The following HYLS1 variants were observed in gnomAD, a reference collection of about 807,000 sequenced individuals.
The protein encoded by HYLS1 is HYLS1 centriolar and ciliogenesis associated.
In HYLS1, 25 loss-of-function variants were observed where a neutral mutation model predicts 29.4. The observed-to-expected ratio is 0.85, with a 90% CI of 0.62 to 1.19. The LOEUF is 1.19. Ranked by LOEUF, HYLS1 falls within the 50% of genes most tolerant of loss-of-function variation. The pLI is 0.00. For missense variants in HYLS1, 352 were observed against 365.1 expected (o/e 0.96, Z 0.29); for synonymous variants, 128 against 126.7 (o/e 1.01, Z -0.07).
In HYLS1 at chr11:125,899,653, G is replaced by A; in HGVS notation, c.285G>A (p.Lys95=). The A allele has an allele frequency of 6.2e-7, 1 of 1,614,218 alleles. No homozygotes were observed. Among genetic ancestry groups the A allele is most frequent in the Non-Finnish European group, 8.5e-7 (1 of 1,180,038 alleles). The change falls in exon 3 of 3, where the codon AAG becomes AAA. Residue 95 remains lysine, a synonymous_variant. Coordinates refer to ENST00000425380, the MANE Select transcript of HYLS1 (RefSeq NM_001134793.2). ...AAAGACTCCGAAAGCCAGTGATGAAGAGAAAGGTGCTGCGCAGAAAGCCAG... is the reference window on the plus strand; with the variant it reads ...AAAGACTCCGAAAGCCAGTGATGAAAAGAAAGGTGCTGCGCAGAAAGCCAG... The part of the protein sequence containing the change: ...ASQRLRKPVM[K]RKVLRRKPDG...
chr11:125,900,211 T>C lies in HYLS1; in HGVS notation c.843T>C (p.Cys281=). 9 of 1,614,248 alleles carry C rather than the reference T, an allele frequency of 5.6e-6. No homozygotes were observed. Among genetic ancestry groups the C allele is most frequent in the Non-Finnish European group, 7.6e-6 (9 of 1,180,046 alleles). Residue 281 remains cysteine, a synonymous_variant, in exon 3 of 3, where the codon TGT becomes TGC. Transcript: ENST00000425380. ...CTGCACTCCGTTGGGGTGTTCGTTG[T>C]GACCTTGCAAATGGTGTCATACCCA... is the stretch of plus-strand genomic sequence containing the variant. The part of the protein sequence containing the change: ...KRSALRWGVR[C]DLANGVIPRK...
At chr11:125,891,120 C>G (rs59017102) in intron 1 of HYLS1, among the ~76,000 whole-genome samples, 3 of 152,186 alleles carry the variant, frequency 2.0e-5, no homozygotes, top group African/African-American at 7.2e-5. Context: ...CAAATGCTGT[C>G]TAAGAGAGCA....
rs746880437 is a variant in HYLS1, at chr11:125,900,140, A to G, written c.772A>G (p.Ile258Val). 3 of 1,614,190 alleles carry G rather than the reference A, an allele frequency of 1.9e-6. No individual in the cohort carries two copies. The highest frequency in any genetic ancestry group is 2.5e-6 in the Non-Finnish European group (3 of 1,180,034). Residue 258 changes from isoleucine (I) to valine (V), a missense_variant, in exon 3 of 3, where the codon ATA (isoleucine) becomes GTA (valine). By Grantham distance (29) the Ile-to-Val change is conservative (BLOSUM62 3). Coordinates refer to ENST00000425380, the MANE Select transcript of HYLS1 (RefSeq NM_001134793.2). ...AGAACCCCAATCCAAACCTCAGCAT[A>G]TATATGTCCCAAACAATTATCTAGT... ...RAEPQSKPQH[I>V]YVPNNYLVPT...
rs540554466 is a variant in HYLS1, at chr11:125,898,858, A to G, written c.-25-486A>G. 3.3e-5 allele frequency among the ~76,000 whole-genome samples: 5 copies of G among 152,162 alleles called. No individual in the cohort carries two copies. The South Asian group carries it at 8.3e-4, about 25-fold the overall frequency. On this transcript the variant is annotated intron_variant, in intron 2 of 2. Transcript: ENST00000425380. The stretch of plus-strand genomic sequence containing the variant: ...CTTGAGTTAGAATTTCAGCTCCACT[A>G]CTTACTAGCTGAGTAACCTTGGGCA...
chr11:125,900,389 C>G lies in HYLS1; in HGVS notation c.*121C>G. 1 of 911,548 alleles carries G rather than the reference C, an allele frequency of 1.1e-6. No individual in the cohort carries two copies. 56.5% of individuals were successfully genotyped at this position (911,548 alleles called of 1,614,324 possible). A position where few individuals can be genotyped will look rare whatever the true frequency, so the allele number is the denominator to read the frequency against. The stretch of plus-strand genomic sequence containing the variant: ...AAACATTTTATGGTAAGGACTTCAC[C>G]TATCATTGGTCTTTCCTAGCTATAT... On this transcript the variant is annotated 3_prime_UTR_variant, in exon 3 of 3. Transcript: ENST00000425380.
intron 1 of HYLS1, among the ~76,000 whole-genome samples, chr11:125,889,518 G>A (rs903184741): frequency 7.9e-5 from 12 of 152,078 alleles, no homozygotes; most frequent in African/African-American, 2.9e-4. Context: ...CGGATCACTT[G>A]AGATTGGGAG....
rs747920338 is a variant in HYLS1, at chr11:125,896,230, G to C, written c.-25-3114G>C. 6.2e-6 allele frequency: 10 copies of C among 1,613,676 alleles called. No individual in the cohort carries two copies. Among genetic ancestry groups the C allele is most frequent in the African/African-American group, 2.7e-5 (2 of 74,832 alleles). On this transcript the variant is annotated intron_variant, in intron 2 of 2. Transcript: ENST00000425380. ...CTTTGCACCTCTTGCTCCAGTTCTC[G>C]TACTCTTTTTAGGAGCTTCTCAGTC...
At chr11:125,890,405 A>G (rs1371165334) in intron 1 of HYLS1, among the ~76,000 whole-genome samples, 1 of 152,024 alleles carries the variant, frequency 6.6e-6, no homozygotes, top group Non-Finnish European at 1.5e-5. Flanking sequence ...TGCCTTCATT[A>G]TGGTATTGTT....
chr11:125,887,576 G>A (rs1290421226), upstream of HYLS1: 1 of 152,294 alleles, frequency 6.6e-6, no homozygotes, highest in Non-Finnish European at 1.5e-5. Context: ...CCAATAAGAG[G>A]GAGGGCGGAC....
chr11:125,890,064 T>C (rs887739892), intron 1 of HYLS1, among the ~76,000 whole-genome samples: 2 of 152,098 alleles, frequency 1.3e-5, no homozygotes, highest in African/African-American at 4.8e-5. Context: ...TCAGCCCCCA[T>C]AGTACTGAGA....
intron 1 of HYLS1, among the ~76,000 whole-genome samples, chr11:125,891,025 G>A (rs1223631906): frequency 1.3e-5 from 2 of 151,806 alleles, no homozygotes; most frequent in Non-Finnish European, 2.9e-5. Flanking sequence ...TATAAAAAGT[G>A]TCATTTAAAT....
intron 1 of HYLS1, among the ~76,000 whole-genome samples, chr11:125,890,871 GAC>G (rs1234769149): frequency 1.3e-5 from 2 of 151,944 alleles, no homozygotes; most frequent in East Asian, 3.9e-4. Flanking sequence ...ATAGGAGTGT[GAC>G]ACAGTTGAAA....
At chr11:125,884,536 G>A (rs1944276531), upstream of HYLS1, among the ~76,000 whole-genome samples, 1 of 152,258 alleles carries the variant, frequency 6.6e-6, no homozygotes, top group South Asian at 2.1e-4. Flanking sequence ...ATGAACCCGG[G>A]AGGTGGAGCT....
rs940058901 is a variant in HYLS1 at position 125,893,723 on chromosome 11, T to TG, written c.-26+2251_-26+2252insG. 7 of 1,412,554 alleles carry TG rather than the reference T, an allele frequency of 5.0e-6. No individual in the cohort carries two copies. The African/African-American group carries it at 1.0e-4, about 20-fold the overall frequency. 87.5% of individuals were successfully genotyped at this position (1,412,554 alleles called of 1,614,324 possible). A position where few individuals can be genotyped will look rare whatever the true frequency, so the allele number is the denominator to read the frequency against. ...CTAGTACTTGCAAGTAAATTTTTTT[T>TG]TTTTTCCTTTTCTGTCCACCTACCA... On this transcript the variant is annotated intron_variant, in intron 2 of 2. Coordinates refer to ENST00000425380, the MANE Select transcript of HYLS1 (RefSeq NM_001134793.2).
At position 125,887,758 on chromosome 11, in the gene HYLS1, C is replaced by G. The variant is rs541953638; in HGVS notation, c.-83C>G. On this transcript the variant is annotated 5_prime_UTR_variant, in exon 1 of 3. Coordinates refer to ENST00000425380, the MANE Select transcript of HYLS1 (RefSeq NM_001134793.2). ...ACGCGGTGCAGAGAGCGGACTTCCG[C>G]GACGCGGGTAAGCCGGGCGAAGGCC... 6.6e-6 allele frequency: 1 copy of G among 152,402 alleles called. No individual in the cohort carries two copies. The highest frequency in any genetic ancestry group is 1.9e-4 in the East Asian group (1 of 5,186). 9.4% of individuals were successfully genotyped at this position (152,402 alleles called of 1,614,324 possible). A position where few individuals can be genotyped will look rare whatever the true frequency, so the allele number is the denominator to read the frequency against.
chr11:125,891,454 C>A lies in HYLS1; in HGVS notation c.-44C>A, dbSNP rs1425211519. 5.8e-5 allele frequency: 4 copies of A among 69,274 alleles called. No individual in the cohort carries two copies. The highest frequency in any genetic ancestry group is 2.0e-4 in the Admixed American group (1 of 4,898). The allele number at this position is 69,274 out of a possible 1,614,324, so 4.3% of individuals were successfully genotyped here. Reference sequence around the variant, plus strand: ...TTTTTACTTGAATGTAAATACCAATCAAGATACATTGAAATAAGGTAAGAA... The same window carrying A: ...TTTTTACTTGAATGTAAATACCAATAAAGATACATTGAAATAAGGTAAGAA... On this transcript the variant is annotated 5_prime_UTR_variant, in exon 2 of 3. Coordinates refer to ENST00000425380, the MANE Select transcript of HYLS1 (RefSeq NM_001134793.2).
intron 2 of HYLS1, chr11:125,895,808 A>G (rs982263345): frequency 3.2e-6 from 5 of 1,585,058 alleles, no homozygotes; most frequent in African/African-American, 1.3e-5. Flanking sequence ...TTAGACAAAG[A>G]TACTGGGTTT....
chr11:125,894,107 G>A lies in HYLS1; in HGVS notation c.-26+2635G>A, dbSNP rs150859450. On this transcript the variant is annotated intron_variant, in intron 2 of 2. Transcript: ENST00000425380. ...ATCCATCTTTGGTCCTATTCCACAG[G>A]GTACTGGAACAGTGTCCAGTCCTTG... The A allele has an allele frequency of 1.2e-4, 194 of 1,613,924 alleles. No individual in the cohort carries two copies. The highest frequency in any genetic ancestry group is 9.3e-4 in the Admixed American group (56 of 60,004).
rs932977054 is a variant in HYLS1 at position 125,898,159 on chromosome 11, A to G, written c.-25-1185A>G. The stretch of plus-strand genomic sequence containing the variant: ...GATAAATCATAAGAAATTGCCTTTG[A>G]GAGTAAAACTTGGTGGGGGAGGGAA... On this transcript the variant is annotated intron_variant, in intron 2 of 2. Coordinates refer to ENST00000425380, the MANE Select transcript of HYLS1 (RefSeq NM_001134793.2). 3.9e-5 allele frequency among the ~76,000 whole-genome samples: 6 copies of G among 152,294 alleles called. No homozygotes were observed. The East Asian group carries it at 1.2e-3, about 29-fold the overall frequency.
Sources: gnomAD v4.1 joint callset for allele counts (sites outside exome capture counted in the v4.1 genomes callset) on GRCh38, gnomAD v4.1.1 for gene constraint, MANE v1.5 for transcripts, NCBI Gene and HGNC (gene_info 2026-07-23, HGNC 2026-07-21) for gene names.